PDE1C: variants seen among roughly 807,000 people sequenced by gnomAD.
PDE1C encodes dual specificity calcium/calmodulin-dependent 3',5'-cyclic nucleotide phosphodiesterase 1C.
In PDE1C, 62 loss-of-function variants were observed where a neutral mutation model predicts 93.1. That is an observed-to-expected ratio of 0.67 (90% CI 0.54 to 0.82). The LOEUF is 0.82. PDE1C is among the 40% of genes least tolerant of loss of function. The pLI, the probability that PDE1C is intolerant of heterozygous loss-of-function variation, is 0.00. For synonymous variants in PDE1C, 325 were observed against 310.1 expected, an observed-to-expected ratio of 1.05 and a Z score of -0.50; for missense variants, 742 against 884.6, an observed-to-expected ratio of 0.84 and a Z score of 2.04.
intron 2 of PDE1C, among the ~76,000 whole-genome samples, chr7:31,904,672 A>C (rs1800377231): frequency 6.6e-6 from 1 of 152,116 alleles, no homozygotes; most frequent in Admixed American, 6.6e-5. Flanking sequence ...AAAACACTAA[A>C]TAAAGATCTT....
At chr7:31,749,913 T>A (rs1794086844), downstream of PDE1C, among the ~76,000 whole-genome samples, 1 of 151,880 alleles carries the variant, frequency 6.6e-6, no homozygotes, top group Admixed American at 6.6e-5. Context: ...ATTTTTTGTA[T>A]TTTTTAGTAG....
intron 12 of PDE1C, among the ~76,000 whole-genome samples, chr7:31,826,602 G>A (rs1255319806): frequency 6.6e-6 from 1 of 152,074 alleles, no homozygotes; most frequent in East Asian, 1.9e-4. Flanking sequence ...TTAATGTAGA[G>A]TTCTGCCTTT....
intron 7 of PDE1C, among the ~76,000 whole-genome samples, chr7:31,853,709 TTTTG>T (rs1201817905): frequency 2.0e-5 from 3 of 151,226 alleles, no homozygotes; most frequent in Non-Finnish European, 2.9e-5. Flanking sequence ...TTCGTTTTGT[TTTTG>T]TTTTTGTTTT....
intron 2 of PDE1C, among the ~76,000 whole-genome samples, chr7:32,205,401 G>C (rs1805358603): frequency 6.6e-6 from 1 of 152,176 alleles, no homozygotes; most frequent in African/African-American, 2.4e-5. Flanking sequence ...CTAGCTAAAG[G>C]ATTGTAAATG....
intron 3 of PDE1C, among the ~76,000 whole-genome samples, chr7:32,091,468 G>C (rs921115951): frequency 1.3e-5 from 2 of 152,160 alleles, no homozygotes; most frequent in African/African-American, 4.8e-5. Flanking sequence ...GGTTAGAGTT[G>C]GCCTCATCAA....
intron 2 of PDE1C, among the ~76,000 whole-genome samples, chr7:32,036,195 A>G (rs186250371): frequency 1.3e-5 from 2 of 152,300 alleles, no homozygotes; most frequent in African/African-American, 4.8e-5. Context: ...AACAAGGATG[A>G]AGGAAGAGCC....
chr7:31,840,781 A>G (rs145026745), intron 9 of PDE1C, among the ~76,000 whole-genome samples: 1,959 of 152,290 alleles, frequency 0.013, 99 homozygotes, highest in Admixed American at 0.1. Flanking sequence ...ACGTATGTCC[A>G]TCTTTCACCA....
At chr7:31,975,235 A>G (rs972661386) in intron 2 of PDE1C, among the ~76,000 whole-genome samples, 7 of 152,174 alleles carry the variant, frequency 4.6e-5, no homozygotes. Context: ...GACACAGCTC[A>G]ACCTGACTAC....
At chr7:32,226,118 A>G (rs1194575099) in intron 1 of PDE1C, among the ~76,000 whole-genome samples, 3 of 152,168 alleles carry the variant, frequency 2.0e-5, no homozygotes, top group Non-Finnish European at 4.4e-5. Flanking sequence ...TTTGACGTCC[A>G]TTGTTGTTTG....
intron 1 of PDE1C, among the ~76,000 whole-genome samples, chr7:32,312,437 C>T (rs942319153): frequency 1.5e-4 from 23 of 152,162 alleles, no homozygotes; most frequent in Non-Finnish European, 2.8e-4. Flanking sequence ...AAAAAGAGCC[C>T]GCATCGCCAA....
chr7:32,195,370 T>G (rs1361461397), intron 2 of PDE1C, among the ~76,000 whole-genome samples: 2 of 152,216 alleles, frequency 1.3e-5, no homozygotes, highest in African/African-American at 2.4e-5. Context: ...TCCCCTCCAT[T>G]TCTGAGGAAT....
chr7:31,732,615 C>T, the PDE1C span, among the ~76,000 whole-genome samples: 1 of 140,070 alleles, frequency 7.1e-6, no homozygotes, highest in Non-Finnish European at 1.6e-5. Context: ...AAATCTTTCT[C>T]TCTCTCTCTC....
chr7:32,344,989 T>C (rs1424125839), intron 1 of PDE1C, among the ~76,000 whole-genome samples: 1 of 152,136 alleles, frequency 6.6e-6, no homozygotes, highest in Non-Finnish European at 1.5e-5. Flanking sequence ...AAAACTGAGG[T>C]TCATGCTAAT....
At chr7:32,344,555 G>T (rs1467909765) in intron 1 of PDE1C, among the ~76,000 whole-genome samples, 2 of 151,990 alleles carry the variant, frequency 1.3e-5, no homozygotes, top group Admixed American at 6.6e-5. Context: ...ACTAACTGAG[G>T]CCTCTCCCTT....
the PDE1C span, chr7:31,658,291 C>G: frequency 2.7e-6 from 4 of 1,502,496 alleles, no homozygotes; most frequent in Non-Finnish European, 2.6e-6. Flanking sequence ...GTCTGCAGAG[C>G]TGGATCCCTT....
At chr7:31,738,403 A>G in the PDE1C span, among the ~76,000 whole-genome samples, 1 of 152,186 alleles carries the variant, frequency 6.6e-6, no homozygotes, top group African/African-American at 2.4e-5. Flanking sequence ...GCGCAGGGGA[A>G]CTACCATTTA....
At chr7:31,955,070 T>G (rs1563092941) in intron 2 of PDE1C, among the ~76,000 whole-genome samples, 1 of 152,248 alleles carries the variant, frequency 6.6e-6, no homozygotes, top group African/African-American at 2.4e-5. Flanking sequence ...TCTCTCTCTT[T>G]GTACTTTGAA....
intron 2 of PDE1C, among the ~76,000 whole-genome samples, chr7:31,998,313 C>T (rs1188918281): frequency 6.6e-6 from 1 of 152,174 alleles, no homozygotes; most frequent in African/African-American, 2.4e-5. Flanking sequence ...GCCACCACAC[C>T]CAGCCAGAAA....
intron 2 of PDE1C, among the ~76,000 whole-genome samples, chr7:32,043,751 A>G (rs1792150603): frequency 6.6e-6 from 1 of 152,132 alleles, no homozygotes; most frequent in Admixed American, 6.5e-5. Flanking sequence ...AAAGAAAAGA[A>G]AGGCAGAGTC....
Sources: allele counts gnomAD v4.1 joint callset (sites outside exome capture counted in the v4.1 genomes callset), GRCh38; gene constraint gnomAD v4.1.1; transcripts MANE v1.5; gene names NCBI Gene and HGNC (gene_info 2026-07-23, HGNC 2026-07-21).